SSBP3: variants seen among roughly 807,000 people sequenced by gnomAD.
SSBP3 encodes the protein single stranded DNA binding protein 3.
SSBP3 carries 5 observed loss-of-function variants against 69.6 expected under a neutral mutation model. The ratio of observed to expected loss-of-function variants is 0.07; its 90% CI spans 0.04 to 0.15. The LOEUF (loss-of-function observed/expected upper bound fraction) is 0.15. Ranked by LOEUF, SSBP3 falls within the 10% of genes least tolerant of loss-of-function variation. SSBP3 has a pLI of 1.00. For synonymous variants in SSBP3, 196 were observed against 193.4 expected (o/e 1.01, Z -0.11); for missense variants, 312 against 534.0 (o/e 0.58, Z 4.10).
chr1:54,407,550 T>G (rs1208069722), upstream of SSBP3, among the ~76,000 whole-genome samples: 1 of 152,010 alleles, frequency 6.6e-6, no homozygotes, highest in African/African-American at 2.4e-5. Context: ...TAGGGACTCT[T>G]AAGACCAGAT....
At chr1:54,279,161 T>C (rs1420873831) in intron 5 of SSBP3, among the ~76,000 whole-genome samples, 1 of 152,140 alleles carries the variant, frequency 6.6e-6, no homozygotes, top group Non-Finnish European at 1.5e-5. Context: ...GACATTGCTC[T>C]CTGCTGTCTA....
intron 4 of SSBP3, among the ~76,000 whole-genome samples, chr1:54,384,971 A>C (rs1647968206): frequency 6.6e-6 from 1 of 152,154 alleles, no homozygotes; most frequent in African/African-American, 2.4e-5. Flanking sequence ...TCTCTGGCTA[A>C]TGGTGGCCCC....
At chr1:54,403,739 TTTC>T (rs1184472059) in intron 3 of SSBP3, among the ~76,000 whole-genome samples, 5 of 152,262 alleles carry the variant, frequency 3.3e-5, no homozygotes, top group Admixed American at 3.3e-4. Context: ...GCCACTCTGC[TTTC>T]TTTTCTTTTT....
At chr1:54,353,952 AG>A (rs1646823026) in intron 4 of SSBP3, among the ~76,000 whole-genome samples, 1 of 152,168 alleles carries the variant, frequency 6.6e-6, no homozygotes, top group Admixed American at 6.5e-5. Flanking sequence ...TGCAGCACAG[AG>A]GGGACTGACT....
At chr1:54,410,312 G>A (rs1341676484), upstream of SSBP3, among the ~76,000 whole-genome samples, 2 of 152,226 alleles carry the variant, frequency 1.3e-5, no homozygotes, top group African/African-American at 2.4e-5. Context: ...GCACCAGATG[G>A]TTGGGGTCCA....
chr1:54,393,851 C>A (rs903046398), intron 4 of SSBP3, among the ~76,000 whole-genome samples: 1 of 152,174 alleles, frequency 6.6e-6, no homozygotes, highest in Admixed American at 6.5e-5. Context: ...CCTCCACCTC[C>A]CGGGTTCAAA....
intron 4 of SSBP3, among the ~76,000 whole-genome samples, chr1:54,312,595 A>G (rs1220850582): frequency 2.0e-5 from 3 of 152,134 alleles, no homozygotes; most frequent in Non-Finnish European, 2.9e-5. Context: ...AGAGGACCAG[A>G]GAACATGTCC....
At chr1:54,304,941 C>G (rs557761796) in intron 4 of SSBP3, among the ~76,000 whole-genome samples, 3 of 152,278 alleles carry the variant, frequency 2.0e-5, no homozygotes, top group East Asian at 3.9e-4. Context: ...CCCACCGACA[C>G]CATGAGGAAG....
intron 7 of SSBP3, among the ~76,000 whole-genome samples, chr1:54,254,016 TG>T (rs1282250596): frequency 2.0e-5 from 3 of 152,228 alleles, no homozygotes; most frequent in Non-Finnish European, 4.4e-5. Flanking sequence ...ACAGACAGTC[TG>T]GGCCTCTTCT....
In SSBP3 at chr1:54,251,780, C is replaced by T; in HGVS notation, c.574+14G>A. 6.2e-7 allele frequency: 1 copy of T among 1,610,544 alleles called. No individual in the cohort carries two copies. The highest frequency in any genetic ancestry group is 1.7e-5 in the Admixed American group (1 of 59,810). On this transcript the variant is annotated intron_variant, in intron 8 of 17. Transcript: ENST00000610401. ...GCATCCCCAGCCACCCTAGGCCCAC[C>T]CTGCCCTCTCTACCTTGTTGTCGTG...
intron 4 of SSBP3, among the ~76,000 whole-genome samples, chr1:54,341,093 T>G (rs1395417333): frequency 6.6e-6 from 1 of 152,242 alleles, no homozygotes. Flanking sequence ...GTCTGCATAG[T>G]AAGCCGGCTG....
chr1:54,243,837 C>G (rs941616644), intron 9 of SSBP3, among the ~76,000 whole-genome samples: 1 of 152,218 alleles, frequency 6.6e-6, no homozygotes, highest in Non-Finnish European at 1.5e-5. Flanking sequence ...ACCCATGTGT[C>G]AGCATCAGAG....
At chr1:54,248,855 G>T (rs1385986046) in intron 9 of SSBP3, among the ~76,000 whole-genome samples, 1 of 152,176 alleles carries the variant, frequency 6.6e-6, no homozygotes, top group African/African-American at 2.4e-5. Context: ...AAGCACTTTA[G>T]GGTCTCCACA....
intron 14 of SSBP3, among the ~76,000 whole-genome samples, chr1:54,232,993 C>T (rs1268609267): frequency 5.3e-5 from 8 of 152,132 alleles, no homozygotes; most frequent in African/African-American, 9.7e-5. Context: ...AGCCTCTGCC[C>T]GGCCGCCACC....
intron 4 of SSBP3, among the ~76,000 whole-genome samples, chr1:54,310,398 TG>T (rs1447788904): frequency 1.3e-5 from 2 of 151,666 alleles, no homozygotes; most frequent in Non-Finnish European, 2.9e-5. Flanking sequence ...GTTTTTCTAC[TG>T]GGGGGTGGGC....
At chr1:54,349,739 C>G (rs974155479) in intron 4 of SSBP3, among the ~76,000 whole-genome samples, 1 of 151,444 alleles carries the variant, frequency 6.6e-6, no homozygotes, top group African/African-American at 2.4e-5. Context: ...AAATCAAAAT[C>G]ATTATTTTAC....
At chr1:54,257,156 G>A in exon 7 of SSBP3, 1 of 1,602,296 alleles carries the variant, frequency 6.2e-7, no homozygotes, top group Non-Finnish European at 8.5e-7. Flanking sequence ...GGGGGCCTGG[G>A]GCCGCCTGCG....
At chr1:54,316,658 AATAAAATAAATAAATAAATAAATAAAT>A (rs1646108951) in intron 4 of SSBP3, among the ~76,000 whole-genome samples, 1 of 50,186 alleles carries the variant, frequency 2.0e-5, no homozygotes, top group South Asian at 7.6e-4. Flanking sequence ...AAAAAAAAAA[AATAAAATAAATAAATAAATAAATAAAT>A]AAATAAATAA....
At chr1:54,388,597 C>T (rs747793742) in intron 4 of SSBP3, among the ~76,000 whole-genome samples, 3 of 152,208 alleles carry the variant, frequency 2.0e-5, no homozygotes, top group Admixed American at 6.5e-5. Context: ...GGATGATTTC[C>T]GGACTCGCTG....
Sources: allele counts gnomAD v4.1 joint callset (sites outside exome capture counted in the v4.1 genomes callset), GRCh38; gene constraint gnomAD v4.1.1; transcripts MANE v1.5; gene names NCBI Gene and HGNC (gene_info 2026-07-23, HGNC 2026-07-21).